HTR7: variants seen among roughly 807,000 people sequenced by gnomAD.
HTR7 encodes 5-hydroxytryptamine receptor 7.
In HTR7, 16 loss-of-function variants were observed where a neutral mutation model predicts 34.0. The observed-to-expected ratio is 0.47, with a 90% CI of 0.32 to 0.71. The LOEUF (loss-of-function observed/expected upper bound fraction) is 0.71. Among genes scored for constraint, HTR7 ranks in the 30% least tolerant of loss-of-function variants. HTR7 has a pLI of 0.04. For missense variants in HTR7, 504 were observed against 625.5 expected, an observed-to-expected ratio of 0.81 and a Z score of 2.07; for synonymous variants, 265 against 260.2, an observed-to-expected ratio of 1.02 and a Z score of -0.18.
intron 2 of HTR7, chr10:90,744,059 A>C: frequency 2.6e-6 from 1 of 385,228 alleles, no homozygotes; most frequent in South Asian, 2.1e-5. Context: ...TAGAGCCAAG[A>C]AGGCAGAGCA....
intron 1 of HTR7, among the ~76,000 whole-genome samples, chr10:90,794,544 A>G (rs924057481): frequency 5.3e-5 from 8 of 152,140 alleles, no homozygotes; most frequent in Non-Finnish European, 1.0e-4. Flanking sequence ...CACAGGCTGG[A>G]GTGCAGTGGT....
intron 1 of HTR7, among the ~76,000 whole-genome samples, chr10:90,776,764 T>C (rs1845218714): frequency 6.6e-6 from 1 of 152,238 alleles, no homozygotes; most frequent in African/African-American, 2.4e-5. Context: ...TTCTAAAATA[T>C]ATTAGGTAGA....
rs775442263 is a variant in HTR7 at position 90,748,834 on chromosome 10, C to T, written c.1295+5G>A. Reference sequence around the variant, plus strand: ...TAAAAGGAAAATAGTGATAAATGACCTTACAGCACAAACTCAGGTCTCTCT... The same window carrying T: ...TAAAAGGAAAATAGTGATAAATGACTTTACAGCACAAACTCAGGTCTCTCT... On this transcript the variant is annotated splice_donor_5th_base_variant and intron_variant, in intron 2 of 3. Coordinates refer to ENST00000336152, the MANE Select transcript of HTR7 (RefSeq NM_019859.4). 6.8e-6 allele frequency: 11 copies of T among 1,606,160 alleles called. No homozygotes were observed. The highest frequency in any genetic ancestry group is 1.1e-5 in the South Asian group (1 of 90,160).
At chr10:90,807,258 T>C (rs1026279310) in intron 1 of HTR7, among the ~76,000 whole-genome samples, 20 of 151,974 alleles carry the variant, frequency 1.3e-4, no homozygotes, top group African/African-American at 4.6e-4. Context: ...AGAAAGAAAT[T>C]ATTGGGCTGG....
At position 90,857,787 on chromosome 10, in the gene HTR7, G is replaced by C; in HGVS notation, c.-116C>G. 9.7e-7 allele frequency: 1 copy of C among 1,031,718 alleles called. No homozygotes were observed. Among genetic ancestry groups the C allele is most frequent in the Non-Finnish European group, 1.3e-6 (1 of 790,722 alleles). The allele number at this position is 1,031,718 out of a possible 1,614,324, so 63.9% of individuals were successfully genotyped here. ...TCCGCCCGGCCCAGCCATGGGGCCC[G>C]CGCCGACCGCTGGGGGGCGCCTGGC... On this transcript the variant is annotated 5_prime_UTR_variant, in exon 1 of 4. Coordinates refer to ENST00000336152, the MANE Select transcript of HTR7 (RefSeq NM_019859.4). The surrounding 1 kb of genome is among the most constrained non-coding windows in gnomAD (Gnocchi z 6.5).
At chr10:90,796,185 G>A (rs1198569306) in intron 1 of HTR7, among the ~76,000 whole-genome samples, 5 of 152,184 alleles carry the variant, frequency 3.3e-5, no homozygotes, top group Non-Finnish European at 7.3e-5. Flanking sequence ...ACTTGGCCAA[G>A]GAGGGAGGGT....
chr10:90,829,134 G>A (rs1846127096), intron 1 of HTR7, among the ~76,000 whole-genome samples: 10 of 152,128 alleles, frequency 6.6e-5, no homozygotes, highest in Admixed American at 6.5e-4. Context: ...TTAACAGAAT[G>A]AAGGACAAAA....
At chr10:90,812,432 A>T (rs1174857702) in intron 1 of HTR7, among the ~76,000 whole-genome samples, 37 of 151,380 alleles carry the variant, frequency 2.4e-4, no homozygotes, top group East Asian at 1.2e-3. Flanking sequence ...TGGCAGGACT[A>T]TGCTGAATCT....
intron 1 of HTR7, among the ~76,000 whole-genome samples, chr10:90,815,155 G>A (rs972221035): frequency 5.3e-5 from 8 of 151,096 alleles, no homozygotes; most frequent in African/African-American, 1.2e-4. Flanking sequence ...GCGGTGGTGC[G>A]ATCTCGGCTC....
chr10:90,808,102 C>T (rs111391725), intron 1 of HTR7, among the ~76,000 whole-genome samples: 41,944 of 152,064 alleles, frequency 0.28, 6,318 homozygotes, highest in African/African-American at 0.4. Context: ...ATTGCAGATA[C>T]GCCTCTCTGA....
chr10:90,800,151 G>T (rs7916403), intron 1 of HTR7, among the ~76,000 whole-genome samples: 76,933 of 152,026 alleles, frequency 0.51, 20,166 homozygotes, highest in African/African-American at 0.67. Context: ...CATCTAACAT[G>T]ACAAAGTGTG....
At chr10:90,757,128 T>C (rs1844845074) in intron 1 of HTR7, among the ~76,000 whole-genome samples, 1 of 152,332 alleles carries the variant, frequency 6.6e-6, no homozygotes, top group Admixed American at 6.5e-5. Flanking sequence ...AAAAACTTTT[T>C]AAAGGTTAGA....
At chr10:90,746,337 A>G (rs1414517906) in intron 2 of HTR7, among the ~76,000 whole-genome samples, 2 of 152,178 alleles carry the variant, frequency 1.3e-5, no homozygotes, top group African/African-American at 2.4e-5. Flanking sequence ...TTATCTATGA[A>G]TCATTAACTA....
chr10:90,747,865 A>G (rs1844664757), intron 2 of HTR7, among the ~76,000 whole-genome samples: 1 of 152,246 alleles, frequency 6.6e-6, no homozygotes, highest in Admixed American at 6.5e-5. Flanking sequence ...TCAAACGTGA[A>G]GAAATCTCCT....
intron 1 of HTR7, among the ~76,000 whole-genome samples, chr10:90,835,722 A>G (rs1416095938): frequency 6.6e-6 from 1 of 152,176 alleles, no homozygotes; most frequent in Admixed American, 6.5e-5. Context: ...AGAAATATAA[A>G]CAATTACAAT....
intron 1 of HTR7, among the ~76,000 whole-genome samples, chr10:90,777,658 G>A (rs1016778964): frequency 1.3e-5 from 2 of 152,168 alleles, no homozygotes; most frequent in African/African-American, 4.8e-5. Flanking sequence ...CACTGGCCAG[G>A]GCTGTGTAAC....
intron 1 of HTR7, among the ~76,000 whole-genome samples, chr10:90,798,114 T>A (rs1845570298): frequency 6.6e-6 from 1 of 152,098 alleles, no homozygotes. Flanking sequence ...TCAACAGAGT[T>A]TTGGAGGGAA....
intron 1 of HTR7, among the ~76,000 whole-genome samples, chr10:90,819,013 T>C (rs1425977905): frequency 1.3e-5 from 2 of 152,204 alleles, no homozygotes; most frequent in African/African-American, 4.8e-5. Flanking sequence ...TCCCCAGCCA[T>C]GCATCCTGTA....
intron 1 of HTR7, among the ~76,000 whole-genome samples, chr10:90,855,735 T>G (rs573703593): frequency 6.6e-6 from 1 of 152,342 alleles, no homozygotes; most frequent in South Asian, 2.1e-4. Context: ...GGTGCTAATA[T>G]TCTCACATAT....
Sources: gnomAD v4.1 joint callset for allele counts (sites outside exome capture counted in the v4.1 genomes callset) on GRCh38, gnomAD v4.1.1 for gene constraint, Gnocchi (gnomAD v3.1) non-coding constraint, MANE v1.5 for transcripts, NCBI Gene and HGNC (gene_info 2026-07-23, HGNC 2026-07-21) for gene names.